SPTSSB: variants seen among roughly 807,000 people sequenced by gnomAD.
The protein encoded by SPTSSB is serine palmitoyltransferase small subunit B, also known as androgen down regulated in mouse prostate.
A neutral mutation model predicts 7.7 loss-of-function variants in SPTSSB; 6 were observed. That is an observed-to-expected ratio of 0.78 (90% CI 0.43 to 1.54). The LOEUF (loss-of-function observed/expected upper bound fraction) is 1.54, where lower values mean the gene tolerates loss of function less well. SPTSSB is among the 40% of genes most tolerant of loss of function. The probability of loss-of-function intolerance (pLI) is 0.01; values close to 1 mark genes in which losing one functional copy is unlikely to be tolerated. For synonymous variants in SPTSSB, 28 were observed against 29.7 expected, an observed-to-expected ratio of 0.94 and a Z score of 0.19; for missense variants, 91 against 93.0, an observed-to-expected ratio of 0.98 and a Z score of 0.09.
chr3:161,352,074 C>CT (rs1270550792), intron 2 of SPTSSB, among the ~76,000 whole-genome samples: 2 of 152,166 alleles, frequency 1.3e-5, no homozygotes, highest in Non-Finnish European at 2.9e-5. Flanking sequence ...CTACTTGTCT[C>CT]TTTTTTACCT....
intron 2 of SPTSSB, among the ~76,000 whole-genome samples, chr3:161,348,848 G>A (rs1415247910): frequency 6.6e-6 from 1 of 152,078 alleles, no homozygotes; most frequent in Non-Finnish European, 1.5e-5. Context: ...CAGTTTGTGT[G>A]TCATTTCTTA....
intron 2 of SPTSSB, among the ~76,000 whole-genome samples, 187 bp from the exon 3 acceptor site, chr3:161,346,542 CACT>C (rs1298790835): frequency 1.3e-5 from 2 of 151,824 alleles, no homozygotes; most frequent in Non-Finnish European, 2.9e-5. Context: ...ATATTGTCAC[CACT>C]ACTAATAATC....
At chr3:161,356,840 A>G (rs1383812551) in intron 2 of SPTSSB, among the ~76,000 whole-genome samples, 1 of 151,974 alleles carries the variant, frequency 6.6e-6, no homozygotes, top group Non-Finnish European at 1.5e-5. Context: ...TTTACAGAAA[A>G]GAGTGGAGGC....
chr3:161,358,262 A>G (rs542854970), intron 2 of SPTSSB, among the ~76,000 whole-genome samples: 35 of 152,074 alleles, frequency 2.3e-4, no homozygotes, highest in Non-Finnish European at 4.3e-4. Context: ...AGATAAGGAA[A>G]CTGAGGCTCA....
At chr3:161,350,277 C>A (rs146156610) in intron 2 of SPTSSB, among the ~76,000 whole-genome samples, 1 of 152,042 alleles carries the variant, frequency 6.6e-6, no homozygotes, top group Non-Finnish European at 1.5e-5. Context: ...TTGCAGAAGA[C>A]GTGATCAGTA....
At position 161,371,469 on chromosome 3, in the gene SPTSSB, G is replaced by A; in HGVS notation, c.-160C>T. The A allele has an allele frequency of 2.0e-6, 2 of 985,502 alleles. No homozygotes were observed. Among genetic ancestry groups the A allele is most frequent in the Non-Finnish European group, 2.4e-6 (2 of 829,980 alleles). The allele number at this position is 985,502 out of a possible 1,614,324, so 61.0% of individuals were successfully genotyped here. A position where few individuals can be genotyped will look rare whatever the true frequency, so the allele number is the denominator to read the frequency against. ...GGGTGTATCTCCCTGCGGCTTAGGT[G>A]AGCGCCGAGGCTTTGGCTCCTCCCC... On this transcript the variant is annotated 5_prime_UTR_variant, in exon 1 of 3. Coordinates refer to ENST00000620149, the MANE Select transcript of SPTSSB (RefSeq NM_001040100.2).
intron 2 of SPTSSB, among the ~76,000 whole-genome samples, chr3:161,348,724 T>C (rs1714380633): frequency 6.6e-6 from 1 of 152,186 alleles, no homozygotes; most frequent in South Asian, 2.1e-4. Flanking sequence ...GTTACCACAA[T>C]CTCAGCCCTC....
At chr3:161,352,507 G>C (rs956808296) in intron 2 of SPTSSB, among the ~76,000 whole-genome samples, 11 of 152,198 alleles carry the variant, frequency 7.2e-5, no homozygotes, top group African/African-American at 1.7e-4. Context: ...TGCACAGTCT[G>C]TTTCCCCACA....
chr3:161,369,305 TCTTTCTTTC>T (rs1715374789), intron 1 of SPTSSB, among the ~76,000 whole-genome samples: 8 of 33,860 alleles, frequency 2.4e-4, no homozygotes, highest in African/African-American at 9.8e-4. Context: ...TTTCTTTCTT[TCTTTCTTTC>T]TCTTTCTTTC....
At chr3:161,364,382 T>C (rs1715134597) in intron 1 of SPTSSB, among the ~76,000 whole-genome samples, 2 of 152,156 alleles carry the variant, frequency 1.3e-5, no homozygotes, top group South Asian at 4.1e-4. Context: ...TTGAGCGAGA[T>C]TTAAAATTTC....
At chr3:161,361,118 G>C (rs186096300) in intron 1 of SPTSSB, among the ~76,000 whole-genome samples, 34 of 152,238 alleles carry the variant, frequency 2.2e-4, no homozygotes, top group African/African-American at 8.2e-4. Flanking sequence ...GAGAAGATTT[G>C]GGGGGAGGAA....
chr3:161,347,718 A>G (rs1439369631), intron 2 of SPTSSB, among the ~76,000 whole-genome samples: 1 of 151,962 alleles, frequency 6.6e-6, no homozygotes, highest in Non-Finnish European at 1.5e-5. Flanking sequence ...CTAAAAATAC[A>G]AAAAATTAGC....
Position 161,349,037 on chromosome 3 carries a change from C to A in SPTSSB, c.-32-2682G>T, listed in dbSNP as rs527701253. Among the ~76,000 whole-genome samples the A allele has an allele frequency of 2.9e-3, 434 of 152,226 alleles. 1 individual carries two copies. Among genetic ancestry groups the A allele is most frequent in the African/African-American group, 9.8e-3 (408 of 41,548 alleles). ...TATATACAAGATTAAAAGGAAAAAA[C>A]CACTTTAGACAATTTGATGAGTAAT... On this transcript the variant is annotated intron_variant, in intron 2 of 2. Coordinates refer to ENST00000620149, the MANE Select transcript of SPTSSB (RefSeq NM_001040100.2).
intron 1 of SPTSSB, among the ~76,000 whole-genome samples, chr3:161,369,315 T>TTTCTTTCTTC (rs35470270): frequency 6.3e-5 from 1 of 16,000 alleles, no homozygotes; most frequent in Non-Finnish European, 1.0e-4. Flanking sequence ...TCTTTCTTTC[T>TTTCTTTCTTC]CTTTCTTTCT....
At chr3:161,367,049 C>G (rs149904073) in intron 1 of SPTSSB, among the ~76,000 whole-genome samples, 4 of 152,092 alleles carry the variant, frequency 2.6e-5, no homozygotes, top group African/African-American at 9.7e-5. Context: ...TGGTGGCAGA[C>G]GCCTGTAATC....
In SPTSSB at chr3:161,345,985, G is replaced by T; in HGVS notation, c.*108C>A. 1 of 649,802 alleles carries T rather than the reference G, an allele frequency of 1.5e-6. No individual in the cohort carries two copies. 40.3% of individuals were successfully genotyped at this position (649,802 alleles called of 1,614,324 possible). The stretch of plus-strand genomic sequence containing the variant: ...AGAATATAAGAGTGCATAGAGAAGA[G>T]AGTGCTTTTCAGGTCAGATAGTGAA... On this transcript the variant is annotated 3_prime_UTR_variant, in exon 3 of 3. Transcript: ENST00000620149.
At chr3:161,346,493 G>A (rs1714245341) in intron 2 of SPTSSB, 138 bp from the exon 3 acceptor site, 2 of 474,418 alleles carry the variant, frequency 4.2e-6, no homozygotes, top group Non-Finnish European at 7.6e-6. Flanking sequence ...TGAATATTCT[G>A]TAAAATAATA....
At chr3:161,356,577 T>C (rs113294845) in intron 2 of SPTSSB, among the ~76,000 whole-genome samples, 3,504 of 152,308 alleles carry the variant, frequency 0.023, 132 homozygotes, top group African/African-American at 0.079. Flanking sequence ...TTCACTTTTT[T>C]GGGTAATATT....
intron 1 of SPTSSB, among the ~76,000 whole-genome samples, chr3:161,366,085 C>T (rs185969426): frequency 5.5e-4 from 83 of 152,280 alleles, no homozygotes; most frequent in African/African-American, 1.8e-3. Context: ...ACTCTTCAAA[C>T]GGTATTAACT....
Sources: allele counts gnomAD v4.1 joint callset (sites outside exome capture counted in the v4.1 genomes callset), GRCh38; gene constraint gnomAD v4.1.1; transcripts MANE v1.5; gene names NCBI Gene and HGNC (gene_info 2026-07-23, HGNC 2026-07-21).